MCPH1: variants seen among roughly 807,000 people sequenced by gnomAD.
MCPH1 encodes the protein microcephalin 1.
In MCPH1, 104 loss-of-function variants were observed where a neutral mutation model predicts 84.5. The observed-to-expected ratio is 1.23, with a 90% CI of 1.05 to 1.45. The LOEUF (loss-of-function observed/expected upper bound fraction) is 1.45. Ranked by LOEUF, MCPH1 falls within the 40% of genes most tolerant of loss-of-function variation. The pLI, the probability that MCPH1 is intolerant of heterozygous loss-of-function variation, is 0.00. For synonymous variants in MCPH1, 514 were observed against 366.8 expected (o/e 1.40, Z -4.58); for missense variants, 1,498 against 1,005.7 (o/e 1.49, Z -6.62).
chr8:6,442,036 A>T (rs761780872), intron 6 of MCPH1, 31 bp from the exon 7 acceptor site: 3 of 1,469,894 alleles, frequency 2.0e-6, no homozygotes, highest in Non-Finnish European at 1.9e-6. Flanking sequence ...CTGAAACTTT[A>T]TCTAATGCAG....
At chr8:6,563,025 T>A in intron 12 of MCPH1, 1 of 1,367,374 alleles carries the variant, frequency 7.3e-7, no homozygotes, top group Non-Finnish European at 9.9e-7. Flanking sequence ...AACGCAGGGC[T>A]GCTACGCTGC....
At position 6,641,397 on chromosome 8, in the gene MCPH1, T is replaced by C. The variant is rs368026964; in HGVS notation, c.2453-1597T>C. 2.0e-5 allele frequency among the ~76,000 whole-genome samples: 3 copies of C among 152,300 alleles called. 1 individual carries two copies. The highest frequency in any genetic ancestry group is 2.0e-4 in the Admixed American group (3 of 15,296). ...CAGATGCAATAAGACAAAGTGTTGA[T>C]ATAATTTGAATACATAAGAAATTGA... On this transcript the variant is annotated intron_variant, in intron 13 of 13. Coordinates refer to ENST00000344683, the MANE Select transcript of MCPH1 (RefSeq NM_024596.5).
chr8:6,516,183 A>G (rs1282924516), intron 12 of MCPH1, among the ~76,000 whole-genome samples: 1 of 152,176 alleles, frequency 6.6e-6, no homozygotes, highest in African/African-American at 2.4e-5. Flanking sequence ...GATGTAGAAA[A>G]TCAGTCTGCA....
chr8:6,420,554 C>G lies in MCPH1; in HGVS notation c.233+5671C>G, dbSNP rs150425539. Among the ~76,000 whole-genome samples, 379 of 152,018 alleles carry G rather than the reference C, an allele frequency of 2.5e-3. 1 individual carries two copies. The highest frequency in any genetic ancestry group is 4.3e-3 in the Non-Finnish European group (293 of 67,984). ...TTTTCGGGGAGGGAATGGGGTAAGACTCAGTATCAGCCAGCCATCATTGTT... is the reference window on the plus strand; with the variant it reads ...TTTTCGGGGAGGGAATGGGGTAAGAGTCAGTATCAGCCAGCCATCATTGTT... On this transcript the variant is annotated intron_variant, in intron 3 of 13. Coordinates refer to ENST00000344683, the MANE Select transcript of MCPH1 (RefSeq NM_024596.5).
intron 12 of MCPH1, among the ~76,000 whole-genome samples, chr8:6,588,341 CT>C (rs34760446): frequency 0.49 from 72,614 of 148,530 alleles, 17,411 homozygotes; most frequent in Admixed American, 0.57. Context: ...TCACTTAAAA[CT>C]TTTTTTTTTT....
chr8:6,511,592 C>G (rs1270747552), intron 12 of MCPH1, among the ~76,000 whole-genome samples: 1 of 152,156 alleles, frequency 6.6e-6, no homozygotes, highest in African/African-American at 2.4e-5. Flanking sequence ...ACTGGCGTCT[C>G]AAAGCATTTG....
At chr8:6,412,002 C>G (rs1165924014) in intron 2 of MCPH1, among the ~76,000 whole-genome samples, 3 of 152,076 alleles carry the variant, frequency 2.0e-5, no homozygotes, top group East Asian at 1.9e-4. Flanking sequence ...AAAAGATAAT[C>G]GAAGGCAGGG....
At chr8:6,457,004 A>G (rs939321701) in intron 9 of MCPH1, among the ~76,000 whole-genome samples, 10 of 152,218 alleles carry the variant, frequency 6.6e-5, no homozygotes, top group African/African-American at 2.4e-4. Flanking sequence ...TAAGTGCTCC[A>G]TAAATATAAG....
At position 6,520,624 on chromosome 8, in the gene MCPH1, G is replaced by A. The variant is rs1307271198; in HGVS notation, c.2214+20695G>A. 3.3e-5 allele frequency among the ~76,000 whole-genome samples: 5 copies of A among 152,288 alleles called. No individual in the cohort carries two copies. The South Asian group carries it at 1.0e-3, about 32-fold the overall frequency. On this transcript the variant is annotated intron_variant, in intron 12 of 13. Coordinates refer to ENST00000344683, the MANE Select transcript of MCPH1 (RefSeq NM_024596.5). ...TTGGCCACGCTGGTCTCCAACTCCT[G>A]TCCTCAAGTGATCTGCCTGCCTCAG...
intron 3 of MCPH1, among the ~76,000 whole-genome samples, chr8:6,416,887 G>A (rs1161563232): frequency 2.6e-5 from 4 of 151,864 alleles, no homozygotes; most frequent in Non-Finnish European, 5.9e-5. Flanking sequence ...CCAGCTACTC[G>A]GGAGATTGAG....
At chr8:6,617,487 G>C (rs1211521191) in intron 12 of MCPH1, among the ~76,000 whole-genome samples, 1 of 151,844 alleles carries the variant, frequency 6.6e-6, no homozygotes, top group African/African-American at 2.4e-5. Context: ...GATGAGCCTG[G>C]TTATATCTGA....
At chr8:6,613,814 G>C (rs922093930) in intron 12 of MCPH1, among the ~76,000 whole-genome samples, 10 of 152,112 alleles carry the variant, frequency 6.6e-5, no homozygotes, top group African/African-American at 2.4e-4. Flanking sequence ...CCAGGGAACA[G>C]GACGCTTTGA....
rs529575676 is a variant in MCPH1 at position 6,506,289 on chromosome 8, C to T, written c.2214+6360C>T. On this transcript the variant is annotated intron_variant, in intron 12 of 13. Coordinates refer to ENST00000344683, the MANE Select transcript of MCPH1 (RefSeq NM_024596.5). ...ATGCAAAATGGAGCTGCTCATTAGG[C>T]TGGTTCATTCATGGTCCAGACCACT... Among the ~76,000 whole-genome samples the T allele has an allele frequency of 2.0e-5, 3 of 152,112 alleles. No individual in the cohort carries two copies. The South Asian group carries it at 6.3e-4, about 32-fold the overall frequency.
At chr8:6,638,877 C>T (rs1023915499) in intron 13 of MCPH1, among the ~76,000 whole-genome samples, 3 of 152,182 alleles carry the variant, frequency 2.0e-5, no homozygotes, top group South Asian at 2.1e-4. Context: ...CTGGAGCTGT[C>T]GGCCCTTGTT....
At chr8:6,528,630 G>A (rs983488244) in intron 12 of MCPH1, among the ~76,000 whole-genome samples, 6 of 152,250 alleles carry the variant, frequency 3.9e-5, no homozygotes, top group Non-Finnish European at 5.9e-5. Flanking sequence ...TGAGCAGTGC[G>A]GCTCTCCCGC....
At chr8:6,612,365 C>T (rs955113357) in intron 12 of MCPH1, among the ~76,000 whole-genome samples, 2 of 152,194 alleles carry the variant, frequency 1.3e-5, no homozygotes, top group African/African-American at 4.8e-5. Flanking sequence ...CGTGATAACT[C>T]TTCTGCCCCA....
At chr8:6,455,627 C>G (rs1805590931) in intron 9 of MCPH1, among the ~76,000 whole-genome samples, 1 of 152,170 alleles carries the variant, frequency 6.6e-6, no homozygotes, top group African/African-American at 2.4e-5. Context: ...CTAACCAAGT[C>G]TTGACCTCAA....
At chr8:6,549,161 T>C (rs1301601747) in intron 12 of MCPH1, among the ~76,000 whole-genome samples, 2 of 152,182 alleles carry the variant, frequency 1.3e-5, no homozygotes, top group Non-Finnish European at 2.9e-5. Context: ...AAATGATACA[T>C]GGGTTTGTAC....
At chr8:6,584,631 T>G (rs2129577252) in intron 12 of MCPH1, among the ~76,000 whole-genome samples, 1 of 152,320 alleles carries the variant, frequency 6.6e-6, no homozygotes, top group East Asian at 1.9e-4. Flanking sequence ...TAAGAAGTAT[T>G]TCTCAGTGTT....
Sources: gnomAD v4.1 joint callset for allele counts (sites outside exome capture counted in the v4.1 genomes callset) on GRCh38, gnomAD v4.1.1 for gene constraint, MANE v1.5 for transcripts, NCBI Gene and HGNC (gene_info 2026-07-23, HGNC 2026-07-21) for gene names.